KRT75: variants seen among roughly 807,000 people sequenced by gnomAD.
The protein encoded by KRT75 is keratin 75, also known as keratin, type II cytoskeletal 75.
Under a neutral mutation model 48.8 loss-of-function variants are expected in KRT75, and 35 were observed. That is an observed-to-expected ratio of 0.72 (90% CI 0.55 to 0.95). The LOEUF (loss-of-function observed/expected upper bound fraction) is 0.95, where lower values mean the gene tolerates loss of function less well. Ranked by LOEUF, KRT75 falls within the 40% of genes least tolerant of loss-of-function variation. KRT75 has a pLI of 0.00. For synonymous variants in KRT75, 301 were observed against 282.3 expected, an observed-to-expected ratio of 1.07 and a Z score of -0.66; for missense variants, 776 against 709.9, an observed-to-expected ratio of 1.09 and a Z score of -1.06.
At position 52,428,074 on chromosome 12, in the gene KRT75, C is replaced by A. The variant is rs1319182276; in HGVS notation, c.1382+182G>T. Reference sequence around the variant, plus strand: ...TCTATGGGGATGCTAACTGTAGTTGCACCTCAAATGATTTACTAGCCTGGA... The same window carrying A: ...TCTATGGGGATGCTAACTGTAGTTGAACCTCAAATGATTTACTAGCCTGGA... On this transcript the variant is annotated intron_variant, in intron 7 of 8. Coordinates refer to ENST00000252245, the MANE Select transcript of KRT75 (RefSeq NM_004693.3). 23 of 754,198 alleles carry A rather than the reference C, an allele frequency of 3.0e-5. 1 individual carries two copies. The highest frequency in any genetic ancestry group is 3.9e-5 in the Non-Finnish European group (18 of 459,254). The allele number at this position is 754,198 out of a possible 1,614,324, so 46.7% of individuals were successfully genotyped here. A position where few individuals can be genotyped will look rare whatever the true frequency, so the allele number is the denominator to read the frequency against.
intron 1 of KRT75, 118 bp from the exon 2 acceptor site, chr12:52,433,370 A>G: frequency 1.1e-6 from 1 of 938,730 alleles, no homozygotes. Flanking sequence ...ATTGACAATA[A>G]TGTAACTGAC....
At chr12:52,432,108 C>A in intron 2 of KRT75, 42 bp from the exon 3 acceptor site, 1 of 1,600,146 alleles carries the variant, frequency 6.2e-7, no homozygotes, top group Non-Finnish European at 8.6e-7. Flanking sequence ...AGCAAGTCTG[C>A]ATTGAACTCT....
rs202116954 is a variant in KRT75, at chr12:52,431,547, T to C, written c.866A>G (p.Asp289Gly). The change falls in exon 4 of 9, where the codon GAT (aspartate) becomes GGT (glycine). Residue 289 changes from aspartate to glycine, a missense_variant. By Grantham distance (94) the Asp-to-Gly change is moderately conservative. Coordinates refer to ENST00000252245, the MANE Select transcript of KRT75 (RefSeq NM_004693.3). ...EEINFIHSVFDAELSQLQTQV... is the reference protein window; with the variant it reads ...EEINFIHSVFGAELSQLQTQV... ...GAAATACTTGCAGACTCTTACTGCA[T>C]CAAAGACTGAGTGGATGAAGTTGAT... The C allele has an allele frequency of 2.5e-6, 4 of 1,607,592 alleles. No individual in the cohort carries two copies. Among genetic ancestry groups the C allele is most frequent in the Non-Finnish European group, 3.4e-6 (4 of 1,174,116 alleles).
chr12:52,426,064 A>C (rs753209390), intron 8 of KRT75, among the ~76,000 whole-genome samples: 15 of 152,180 alleles, frequency 9.9e-5, no homozygotes, highest in Admixed American at 5.2e-4. Flanking sequence ...ATTGGCTAAT[A>C]TAATGAATTG....
In KRT75 at chr12:52,431,955, C is replaced by A. The variant is rs532576973; in HGVS notation, c.774+51G>T. ...GGGTCAGAGGTCAGGTTACCCCACA[C>A]TCCAGATTCCATTTTAAACCTTCTC... On this transcript the variant is annotated intron_variant, in intron 3 of 8. Transcript: ENST00000252245. 4.9e-5 allele frequency: 78 copies of A among 1,584,550 alleles called. No individual in the cohort carries two copies. In the South Asian group the frequency reaches 7.4e-4, roughly 15 times the overall value.
chr12:52,434,080 C>A lies in KRT75; in HGVS notation c.225G>T (p.Gly75=), dbSNP rs766677781. 2.5e-6 allele frequency: 4 copies of A among 1,614,186 alleles called. No homozygotes were observed. The East Asian group carries it at 6.7e-5, about 27-fold the overall frequency. The change falls in exon 1 of 9, where the codon GGG becomes GGT. Residue 75 remains glycine, a synonymous_variant. Coordinates refer to ENST00000252245, the MANE Select transcript of KRT75 (RefSeq NM_004693.3). ...LGGAKRVSIN[G]CGSSCRSGFG... ...AGCCACTTCGGCAGCTGCTGCCACA[C>A]CCATTGATGGAGACCCGCTTGGCAC...
chr12:52,433,881 T>G lies in KRT75; in HGVS notation c.424A>C (p.Ile142Leu). 6.2e-7 allele frequency: 1 copy of G among 1,614,104 alleles called. No individual in the cohort carries two copies. The highest frequency in any genetic ancestry group is 8.5e-7 in the Non-Finnish European group (1 of 1,180,000). ...CGCTCCTCGGCCCGCACCCGCTGGA[T>G]GGTGGGGTCGATTTGCAGGTGAAGA... ...TPLHLQIDPTIQRVRAEEREQ... is the reference protein window; with the variant it reads ...TPLHLQIDPTLQRVRAEEREQ... The change falls in exon 1 of 9, where the codon ATC (isoleucine) becomes CTC (leucine). Residue 142 changes from isoleucine to leucine, a missense_variant. Physicochemically the swap from Ile to Leu is conservative, Grantham distance 5. Coordinates refer to ENST00000252245, the MANE Select transcript of KRT75 (RefSeq NM_004693.3).
At chr12:52,428,563 A>G in intron 6 of KRT75, 55 bp downstream of exon 6, 1 of 1,614,062 alleles carries the variant, frequency 6.2e-7, no homozygotes, top group East Asian at 2.2e-5. Context: ...AAGATGGCAG[A>G]AAGGCCCAGA....
Position 52,432,014 on chromosome 12 carries a change from G to C in KRT75, c.766C>G (p.Leu256Val), listed in dbSNP as rs1456879326. 2.5e-6 allele frequency: 4 copies of C among 1,614,036 alleles called. No individual in the cohort carries two copies. The highest frequency in any genetic ancestry group is 4.5e-5 in the East Asian group (2 of 44,894). Reference sequence around the variant, plus strand: ...GAAACATCCCCACTCACCTTTTTCAGGGCTACAAATTCATTCTCAGCAGCT... The same window carrying C: ...GAAACATCCCCACTCACCTTTTTCACGGCTACAAATTCATTCTCAGCAGCT... ...RTAAENEFVALKKDVDAAYMN... is the reference protein window; with the variant it reads ...RTAAENEFVAVKKDVDAAYMN... The change falls in exon 3 of 9, where the codon CTG becomes GTG. Residue 256 changes from leucine to valine, a missense_variant. Physicochemically the swap from Leu to Val is conservative, Grantham distance 32 (BLOSUM62 1). Transcript: ENST00000252245.
intron 7 of KRT75, 121 bp downstream of exon 7, chr12:52,428,131 CAATT>C: frequency 8.1e-7 from 1 of 1,238,222 alleles, no homozygotes; most frequent in Non-Finnish European, 1.2e-6. Context: ...TGCCATAGCC[CAATT>C]CTGAACTGCA....
rs1940050387 is a variant in KRT75, at chr12:52,424,367, G to A, written c.*150C>T. 1.3e-6 allele frequency: 1 copy of A among 796,812 alleles called. No individual in the cohort carries two copies. Among genetic ancestry groups the A allele is most frequent in the African/African-American group, 1.7e-5 (1 of 59,464 alleles). 49.4% of individuals were successfully genotyped at this position (796,812 alleles called of 1,614,324 possible). On this transcript the variant is annotated 3_prime_UTR_variant, in exon 9 of 9. Coordinates refer to ENST00000252245, the MANE Select transcript of KRT75 (RefSeq NM_004693.3). ...GGGCACTGTCAGGAGGGAGAGGCTG[G>A]CTTAGGCCTGGGAATGGGTATAGCC...
chr12:52,427,996 A>C (rs1386426457), intron 7 of KRT75, among the ~76,000 whole-genome samples: 1 of 152,176 alleles, frequency 6.6e-6, no homozygotes, highest in African/African-American at 2.4e-5. Context: ...CCATGTAACC[A>C]AATGTCTCCT....
In KRT75 at chr12:52,424,763, G is replaced by C; in HGVS notation, c.1418-8C>G. On this transcript the variant is annotated splice_polypyrimidine_tract_variant and splice_region_variant and intron_variant, in intron 8 of 8. Transcript: ENST00000252245. The stretch of plus-strand genomic sequence containing the variant: ...GAGTAGAGGTGACCACAGCTGCCGG[G>C]AAGAGAGGAGGTGTGGTCAGATCAA... 6.3e-7 allele frequency: 1 copy of C among 1,598,066 alleles called. No individual in the cohort carries two copies. The highest frequency in any genetic ancestry group is 8.6e-7 in the Non-Finnish European group (1 of 1,165,774).
At chr12:52,430,796 TCC>T in intron 4 of KRT75, 91 bp from the exon 5 acceptor site, 1 of 1,356,334 alleles carries the variant, frequency 7.4e-7, no homozygotes, top group East Asian at 2.3e-5. Flanking sequence ...AGGAATCCTT[TCC>T]TTGGTATTCC....
In KRT75 at chr12:52,431,783, A is replaced by C; in HGVS notation, c.775-145T>G. On this transcript the variant is annotated intron_variant, in intron 3 of 8. Transcript: ENST00000252245. ...GGTGATTTGGGGTTGGGGATGGGTA[A>C]TTACGGAGAACTGGGGGCTTGAATT... 3 of 784,380 alleles carry C rather than the reference A, an allele frequency of 3.8e-6. No homozygotes were observed. The Admixed American group carries it at 6.4e-5, about 17-fold the overall frequency. The allele number at this position is 784,380 out of a possible 1,614,324, so 48.6% of individuals were successfully genotyped here. A position where few individuals can be genotyped will look rare whatever the true frequency, so the allele number is the denominator to read the frequency against.
At chr12:52,428,591 G>A in intron 6 of KRT75, 27 bp downstream of exon 6, 1 of 1,614,170 alleles carries the variant, frequency 6.2e-7, no homozygotes, top group Admixed American at 1.7e-5. Context: ...AGCATTTGAG[G>A]AGCTCTTGGC....
chr12:52,432,036 A>C lies in KRT75; in HGVS notation c.744T>G (p.Ala248=). 1 of 1,614,222 alleles carries C rather than the reference A, an allele frequency of 6.2e-7. No individual in the cohort carries two copies. The highest frequency in any genetic ancestry group is 8.5e-7 in the Non-Finnish European group (1 of 1,180,042). ...RYEDEINKRT[A]AENEFVALKK... ...TCAGGGCTACAAATTCATTCTCAGC[A>C]GCTGTGCGCTTGTTAATTTCATCTT... is the stretch of plus-strand genomic sequence containing the variant. The change falls in exon 3 of 9, where the codon GCT becomes GCG. Residue 248 remains alanine (A), a synonymous_variant. Coordinates refer to ENST00000252245, the MANE Select transcript of KRT75 (RefSeq NM_004693.3).
At chr12:52,431,803 T>C (rs1043675512) in intron 3 of KRT75, among the ~76,000 whole-genome samples, 165 bp from the exon 4 acceptor site, 6 of 152,104 alleles carry the variant, frequency 3.9e-5, no homozygotes, top group African/African-American at 1.4e-4. Context: ...ACTGGGGGCT[T>C]GAATTCCCTG....
chr12:52,428,180 C>A, intron 7 of KRT75, 76 bp downstream of exon 7: 1 of 1,567,670 alleles, frequency 6.4e-7, no homozygotes, highest in South Asian at 1.1e-5. Context: ...TGCAACAGCC[C>A]GAGCCCCTAG....
Sources: gnomAD v4.1 joint callset for allele counts (sites outside exome capture counted in the v4.1 genomes callset) on GRCh38, gnomAD v4.1.1 for gene constraint, MANE v1.5 for transcripts, NCBI Gene and HGNC (gene_info 2026-07-23, HGNC 2026-07-21) for gene names.